The following PPP1R9A variants were observed in gnomAD, a reference collection of about 807,000 sequenced individuals.
The protein encoded by PPP1R9A is protein phosphatase 1 regulatory subunit 9A.
Under a neutral mutation model 141.9 loss-of-function variants are expected in PPP1R9A, and 59 were observed. The observed-to-expected ratio is 0.42, with a 90% CI of 0.34 to 0.52. The LOEUF is 0.52. Among genes scored for constraint, PPP1R9A ranks in the 20% least tolerant of loss-of-function variants. PPP1R9A has a pLI of 0.10. For missense variants in PPP1R9A, 1,444 were observed against 1,611.9 expected, an observed-to-expected ratio of 0.90 and a Z score of 1.78; for synonymous variants, 500 against 569.7, an observed-to-expected ratio of 0.88 and a Z score of 1.74.
intron 2 of PPP1R9A, among the ~76,000 whole-genome samples, chr7:94,994,083 T>A (rs1278085849): frequency 6.6e-6 from 1 of 151,978 alleles, no homozygotes; most frequent in East Asian, 1.9e-4. Flanking sequence ...ACAAGAGCCC[T>A]CAGAAATGAA....
At chr7:95,142,594 C>CTTTT (rs1826902260) in intron 4 of PPP1R9A, among the ~76,000 whole-genome samples, 2 of 152,104 alleles carry the variant, frequency 1.3e-5, no homozygotes, top group Admixed American at 6.6e-5. Flanking sequence ...AGTTTTCTAG[C>CTTTT]ATCATTTTTT....
chr7:95,278,088 C>A (rs1293242024), intron 16 of PPP1R9A, among the ~76,000 whole-genome samples: 1 of 152,192 alleles, frequency 6.6e-6, no homozygotes, highest in Non-Finnish European at 1.5e-5. Context: ...AGAAACAACA[C>A]TGAGCTGGAA....
chr7:95,232,221 G>A (rs548311163), intron 8 of PPP1R9A, among the ~76,000 whole-genome samples: 2 of 152,088 alleles, frequency 1.3e-5, no homozygotes, highest in South Asian at 4.1e-4. Context: ...CAGACCAATA[G>A]CAGGCAGAGA....
intron 2 of PPP1R9A, among the ~76,000 whole-genome samples, chr7:94,947,012 T>C (rs1795965987): frequency 6.6e-6 from 1 of 152,216 alleles, no homozygotes; most frequent in Non-Finnish European, 1.5e-5. Context: ...TTATTGTTAT[T>C]AGTAAATACT....
chr7:95,153,310 A>G (rs1829047145), intron 4 of PPP1R9A, among the ~76,000 whole-genome samples: 1 of 152,206 alleles, frequency 6.6e-6, no homozygotes, highest in African/African-American at 2.4e-5. Context: ...TAAGTACACA[A>G]GAATCTTAGA....
chr7:95,268,749 A>G lies in PPP1R9A; in HGVS notation c.2823+42A>G, dbSNP rs1801688036. 3.8e-6 allele frequency: 6 copies of G among 1,595,864 alleles called. No individual in the cohort carries two copies. The East Asian group carries it at 1.3e-4, about 36-fold the overall frequency. Reference sequence around the variant, plus strand: ...GTTTCCTGATTTGTACTGTTGGAGTATATCATTGTTCCTACAGCTTATTGA... The same window carrying G: ...GTTTCCTGATTTGTACTGTTGGAGTGTATCATTGTTCCTACAGCTTATTGA... On this transcript the variant is annotated intron_variant, in intron 13 of 19. Transcript: ENST00000433360.
At chr7:95,230,465 A>G (rs1211054791) in intron 8 of PPP1R9A, among the ~76,000 whole-genome samples, 1 of 152,132 alleles carries the variant, frequency 6.6e-6, no homozygotes, top group Non-Finnish European at 1.5e-5. Flanking sequence ...GCATAAATAA[A>G]AAAACAGTCA....
At chr7:95,282,682 C>T (rs933303557) in intron 16 of PPP1R9A, among the ~76,000 whole-genome samples, 2 of 152,150 alleles carry the variant, frequency 1.3e-5, no homozygotes, top group Non-Finnish European at 2.9e-5. Flanking sequence ...AGTTCCTCAC[C>T]TAGAGTGTAG....
intron 2 of PPP1R9A, among the ~76,000 whole-genome samples, chr7:94,961,660 A>G (rs1797656464): frequency 6.6e-6 from 1 of 151,884 alleles, no homozygotes; most frequent in Admixed American, 6.6e-5. Context: ...GAATTGTAGT[A>G]TCAAATAGTG....
chr7:95,166,434 A>C (rs1334284994), intron 5 of PPP1R9A, among the ~76,000 whole-genome samples: 1 of 152,204 alleles, frequency 6.6e-6, no homozygotes, highest in Non-Finnish European at 1.5e-5. Flanking sequence ...TTCTGGATAC[A>C]TATATGTAGC....
At chr7:94,936,898 C>T (rs1794830738) in intron 2 of PPP1R9A, among the ~76,000 whole-genome samples, 1 of 151,950 alleles carries the variant, frequency 6.6e-6, no homozygotes, top group African/African-American at 2.4e-5. Context: ...CTTGTATATA[C>T]TTAGGGTATT....
In PPP1R9A at chr7:95,189,433, C is replaced by CTTT. The variant is rs1195484637; in HGVS notation, c.1755-8897_1755-8895dup. 2.4e-3 allele frequency among the ~76,000 whole-genome samples: 273 copies of CTTT among 116,170 alleles called. 3 individuals are homozygous for CTTT. Among genetic ancestry groups the CTTT allele is most frequent in the African/African-American group, 4.7e-3 (132 of 28,192 alleles). The allele number at this position is 116,170 out of a possible 152,430, so 76.2% of individuals were successfully genotyped here. On this transcript the variant is annotated intron_variant, in intron 5 of 19. Transcript: ENST00000433360. ...AAATTTTTTGGAGGGTTTGTTTATT[C>CTTT]TTTTTTTTTTTTTTTTTTTTTGAGA... is the stretch of plus-strand genomic sequence containing the variant.
intron 7 of PPP1R9A, among the ~76,000 whole-genome samples, chr7:95,209,914 G>A (rs1791717949): frequency 6.6e-6 from 1 of 152,124 alleles, no homozygotes; most frequent in Non-Finnish European, 1.5e-5. Flanking sequence ...AAATCTCTTA[G>A]TTTCTTCCCA....
chr7:95,006,193 C>CTTAT (rs71125097), intron 2 of PPP1R9A, among the ~76,000 whole-genome samples: 18,987 of 146,264 alleles, frequency 0.13, 1,678 homozygotes, highest in African/African-American at 0.26. Context: ...ATCTTAAGAA[C>CTTAT]TTATTTATTT....
chr7:95,010,929 G>C (rs1439691449), intron 2 of PPP1R9A, among the ~76,000 whole-genome samples: 1 of 152,094 alleles, frequency 6.6e-6, no homozygotes, highest in Non-Finnish European at 1.5e-5. Context: ...AAGTACCACT[G>C]ATGTTGGTAT....
Position 95,134,136 on chromosome 7 carries a change from C to T in PPP1R9A, c.1649+13304C>T, listed in dbSNP as rs140865454. On this transcript the variant is annotated intron_variant, in intron 4 of 19. Coordinates refer to ENST00000433360, the MANE Select transcript of PPP1R9A (RefSeq NM_001166160.2). ...TAGGCACCTTGGAATACTATGCAGC[C>T]ATAAAAAAAGAATGAGTTCATGTCC... Among the ~76,000 whole-genome samples the T allele has an allele frequency of 1.0e-3, 154 of 152,122 alleles. 1 individual carries two copies. In the East Asian group the frequency reaches 0.025, roughly 24 times the overall value.
intron 5 of PPP1R9A, among the ~76,000 whole-genome samples, chr7:95,163,696 A>G (rs1279064432): frequency 1.3e-5 from 2 of 152,092 alleles, no homozygotes; most frequent in Admixed American, 6.6e-5. Flanking sequence ...CTCAACCTGT[A>G]TAAACTTCCA....
At chr7:95,128,498 G>A (rs979544743) in intron 4 of PPP1R9A, among the ~76,000 whole-genome samples, 1 of 152,062 alleles carries the variant, frequency 6.6e-6, no homozygotes, top group Non-Finnish European at 1.5e-5. Flanking sequence ...ATTTTGCTGT[G>A]CAGAATCTCT....
At chr7:95,072,323 AT>A (rs1484702015) in intron 2 of PPP1R9A, among the ~76,000 whole-genome samples, 4 of 144,590 alleles carry the variant, frequency 2.8e-5, no homozygotes, top group Non-Finnish European at 4.5e-5. Flanking sequence ...TATATAATAT[AT>A]ATTATATATA....
Sources: allele counts gnomAD v4.1 joint callset (sites outside exome capture counted in the v4.1 genomes callset), GRCh38; gene constraint gnomAD v4.1.1; transcripts MANE v1.5; gene names NCBI Gene and HGNC (gene_info 2026-07-23, HGNC 2026-07-21).